NRDC: variants seen among roughly 807,000 people sequenced by gnomAD.
The protein encoded by NRDC is nardilysin convertase.
In NRDC, 54 loss-of-function variants were observed where a neutral mutation model predicts 147.1. The observed-to-expected ratio is 0.37, with a 90% CI of 0.29 to 0.46. NRDC has a LOEUF of 0.46. NRDC is among the 20% of genes least tolerant of loss of function. The probability of loss-of-function intolerance (pLI) is 1.00; values close to 1 mark genes in which losing one functional copy is unlikely to be tolerated. For synonymous variants in NRDC, 440 were observed against 482.1 expected, an observed-to-expected ratio of 0.91 and a Z score of 1.14; for missense variants, 1,082 against 1,370.6, an observed-to-expected ratio of 0.79 and a Z score of 3.33.
intron 20 of NRDC, among the ~76,000 whole-genome samples, chr1:51,803,474 CAAAA>C (rs56122829): frequency 0.017 from 2,207 of 128,888 alleles, 60 homozygotes; most frequent in African/African-American, 0.059. Context: ...GTATCTGTCT[CAAAA>C]AAAAAAAAAA....
chr1:51,803,474 CA>C (rs56122829), intron 20 of NRDC, among the ~76,000 whole-genome samples: 5,994 of 128,688 alleles, frequency 0.047, 316 homozygotes, highest in African/African-American at 0.15. Flanking sequence ...GTATCTGTCT[CA>C]AAAAAAAAAA....
chr1:51,791,398 TG>T (rs756029095), intron 27 of NRDC, among the ~76,000 whole-genome samples, 179 bp downstream of exon 27: 2 of 152,220 alleles, frequency 1.3e-5, no homozygotes, highest in African/African-American at 2.4e-5. Flanking sequence ...AAAGGGCCAC[TG>T]GAACTATTGA....
intron 3 of NRDC, among the ~76,000 whole-genome samples, chr1:51,834,822 T>C (rs1186706473): frequency 6.6e-6 from 1 of 152,126 alleles, no homozygotes; most frequent in African/African-American, 2.4e-5. Flanking sequence ...TTCACAAACA[T>C]ATATGCAGAT....
At chr1:51,815,670 C>G (rs1679937411) in intron 11 of NRDC, among the ~76,000 whole-genome samples, 1 of 151,120 alleles carries the variant, frequency 6.6e-6, no homozygotes, top group South Asian at 2.1e-4. Context: ...TGTTCTAGTA[C>G]ACGAAAGTGT....
intron 1 of NRDC, among the ~76,000 whole-genome samples, chr1:51,862,950 C>T (rs1682613968): frequency 7.9e-6 from 1 of 126,542 alleles, no homozygotes; most frequent in Non-Finnish European, 1.6e-5. Context: ...GCAGAGTTTG[C>T]AGCGAGCTGA....
At position 51,812,387 on chromosome 1, in the gene NRDC, G is replaced by T. The variant is rs116559080; in HGVS notation, c.1675-289C>A. On this transcript the variant is annotated intron_variant, in intron 14 of 30. Transcript: ENST00000352171. ...TACAAAAAATGCAAAAATAAGCCAG[G>T]TGTGGCAGTACACGCCTGTAGTGTC... Among the ~76,000 whole-genome samples the T allele has an allele frequency of 4.3e-3, 660 of 152,200 alleles. 9 individuals are homozygous for T. The highest frequency in any genetic ancestry group is 0.016 in the African/African-American group (646 of 41,528).
At chr1:51,867,694 C>T (rs1682884126) in intron 1 of NRDC, among the ~76,000 whole-genome samples, 1 of 152,144 alleles carries the variant, frequency 6.6e-6, no homozygotes, top group Non-Finnish European at 1.5e-5. Flanking sequence ...AGTAAGATAA[C>T]TTGAGAATTG....
At chr1:51,853,222 A>ATATAT (rs900473338) in intron 1 of NRDC, among the ~76,000 whole-genome samples, 1 of 144,334 alleles carries the variant, frequency 6.9e-6, no homozygotes, top group South Asian at 2.1e-4. Flanking sequence ...TCTCCAAAAA[A>ATATAT]AAATATATAT....
chr1:51,835,467 G>GTTTTTTTTTT (rs951683379), intron 3 of NRDC, among the ~76,000 whole-genome samples: 4 of 114,626 alleles, frequency 3.5e-5, no homozygotes, highest in African/African-American at 1.4e-4. Flanking sequence ...TTTGTTTCTT[G>GTTTTTTTTTT]TTTTTTTTTT....
rs139337973 is a variant in NRDC at position 51,868,174 on chromosome 1, T to C, written c.341+10101A>G. Among the ~76,000 whole-genome samples, 1,059 of 152,012 alleles carry C rather than the reference T, an allele frequency of 7.0e-3. 13 individuals carry two copies. The highest frequency in any genetic ancestry group is 0.024 in the African/African-American group (1,009 of 41,446). Reference sequence around the variant, plus strand: ...AAACAAATTCTCTCCCTTCAAAAAATTCAACATAATAGCGTGGAAAGACAA... The same window carrying C: ...AAACAAATTCTCTCCCTTCAAAAAACTCAACATAATAGCGTGGAAAGACAA... On this transcript the variant is annotated intron_variant, in intron 1 of 30. Transcript: ENST00000352171.
intron 1 of NRDC, among the ~76,000 whole-genome samples, chr1:51,869,765 T>C (rs1183315282): frequency 6.6e-6 from 1 of 152,252 alleles, no homozygotes; most frequent in Non-Finnish European, 1.5e-5. Flanking sequence ...AACATTTGAG[T>C]GCTTACTATG....
intron 25 of NRDC, 81 bp downstream of exon 25, chr1:51,792,296 C>G (rs1571834636): frequency 6.8e-7 from 1 of 1,461,336 alleles, no homozygotes; most frequent in South Asian, 1.1e-5. Context: ...TACCCCATGT[C>G]CCTAACCCAG....
chr1:51,843,311 T>TAA (rs11326967), intron 1 of NRDC, among the ~76,000 whole-genome samples: 3 of 139,464 alleles, frequency 2.2e-5, no homozygotes, highest in Admixed American at 2.1e-4. Context: ...CAAAAAAGGT[T>TAA]AAAAAAAAAA....
chr1:51,853,362 G>T (rs921991082), intron 1 of NRDC, among the ~76,000 whole-genome samples: 1 of 152,096 alleles, frequency 6.6e-6, no homozygotes, highest in African/African-American at 2.4e-5. Flanking sequence ...CTTGAGAGGA[G>T]CAAGAGCCCT....
At chr1:51,819,668 A>G in intron 9 of NRDC, 132 bp downstream of exon 9, 1 of 683,540 alleles carries the variant, frequency 1.5e-6, no homozygotes, top group South Asian at 2.0e-5. Context: ...TCCATTGCCC[A>G]TCTACTTCCT....
Position 51,800,668 on chromosome 1 carries a change from T to C in NRDC, c.2329A>G (p.Ile777Val). The C allele has an allele frequency of 6.2e-7, 1 of 1,613,636 alleles. No homozygotes were observed. The highest frequency in any genetic ancestry group is 2.2e-5 in the East Asian group (1 of 44,872). The change falls in exon 21 of 31, where the codon ATT becomes GTT. Residue 777 changes from isoleucine to valine, a missense_variant. Around this residue, in one of 3 missense-constraint regions of NRDC, gnomAD observed 635 missense variants for 923.8 expected, o/e 0.69. Transcript: ENST00000352171. ...NHKLPLLFQL[I>V]IDYLAEFNST... Reference sequence around the variant, plus strand: ...TTGAACTCAGCTAAGTAGTCAATAATGAGCTGAAACAGTAGCTAAAAGAAA... The same window carrying C: ...TTGAACTCAGCTAAGTAGTCAATAACGAGCTGAAACAGTAGCTAAAAGAAA...
rs184730177 is a variant in NRDC at position 51,795,341 on chromosome 1, T to C, written c.2605-487A>G. 5.7e-4 allele frequency: 356 copies of C among 624,206 alleles called. 1 individual carries two copies. The African/African-American group carries it at 6.2e-3, about 11-fold the overall frequency. The allele number at this position is 624,206 out of a possible 1,614,324, so 38.7% of individuals were successfully genotyped here. A position where few individuals can be genotyped will look rare whatever the true frequency, so the allele number is the denominator to read the frequency against. ...AGCTCTTCTCTAAAGTGATTTCTAC[T>C]GGAGGAAATTCATGGTACTAAGGAC... On this transcript the variant is annotated intron_variant, in intron 22 of 30. Coordinates refer to ENST00000352171, the MANE Select transcript of NRDC (RefSeq NM_001101662.2).
At chr1:51,821,857 T>A (rs527798098) in intron 7 of NRDC, among the ~76,000 whole-genome samples, 2 of 152,172 alleles carry the variant, frequency 1.3e-5, no homozygotes, top group African/African-American at 2.4e-5. Flanking sequence ...GACCAAGAGA[T>A]AAGATTATGC....
chr1:51,844,897 G>A (rs191323327), intron 1 of NRDC, among the ~76,000 whole-genome samples: 3 of 150,762 alleles, frequency 2.0e-5, no homozygotes, highest in African/African-American at 7.3e-5. Context: ...AAACCAAATA[G>A]GCTGACAGCT....
Sources: gnomAD v4.1 joint callset for allele counts (sites outside exome capture counted in the v4.1 genomes callset) on GRCh38, gnomAD v4.1.1 for gene constraint, gnomAD v4.1.1 regional missense constraint, MANE v1.5 for transcripts, NCBI Gene and HGNC (gene_info 2026-07-23, HGNC 2026-07-21) for gene names.